MSI2: variants seen among roughly 807,000 people sequenced by gnomAD.
The protein encoded by MSI2 is RNA-binding protein Musashi homolog 2.
A neutral mutation model predicts 45.6 loss-of-function variants in MSI2; 17 were observed. The observed-to-expected ratio is 0.37, with a 90% CI of 0.26 to 0.56. The LOEUF (loss-of-function observed/expected upper bound fraction) is 0.56. Among genes scored for constraint, MSI2 ranks in the 20% least tolerant of loss-of-function variants. MSI2 has a pLI of 0.77. For missense variants in MSI2, 293 were observed against 444.2 expected (o/e 0.66, Z 3.06); for synonymous variants, 156 against 158.2 (o/e 0.99, Z 0.11).
intron 7 of MSI2, among the ~76,000 whole-genome samples, chr17:57,567,376 T>A (rs573264689): frequency 6.6e-6 from 1 of 152,366 alleles, no homozygotes; most frequent in South Asian, 2.1e-4. Context: ...TGAATGCCTT[T>A]TTCCAGTTTG....
chr17:57,464,935 A>G (rs2085303089), intron 6 of MSI2, among the ~76,000 whole-genome samples: 1 of 152,222 alleles, frequency 6.6e-6, no homozygotes, highest in Admixed American at 6.5e-5. Flanking sequence ...GAAAGCCTGC[A>G]CTAGCCTCCC....
chr17:57,383,445 T>C (rs1008686950), intron 5 of MSI2, among the ~76,000 whole-genome samples: 1 of 152,122 alleles, frequency 6.6e-6, no homozygotes, highest in Non-Finnish European at 1.5e-5. Flanking sequence ...TCACCTGAGG[T>C]CAGGAGTTCG....
intron 7 of MSI2, among the ~76,000 whole-genome samples, chr17:57,535,621 G>A (rs143919152): frequency 2.0e-5 from 3 of 152,204 alleles, no homozygotes; most frequent in Admixed American, 6.5e-5. Context: ...CCACTGGAAG[G>A]GGGTGGGATG....
intron 5 of MSI2, among the ~76,000 whole-genome samples, chr17:57,275,799 T>G (rs1386108604): frequency 1.3e-5 from 2 of 152,120 alleles, no homozygotes; most frequent in Non-Finnish European, 2.9e-5. Flanking sequence ...ATTGACTAAT[T>G]ATAGGGAAAA....
chr17:57,553,270 T>G (rs1367584313), intron 7 of MSI2, among the ~76,000 whole-genome samples: 1 of 152,126 alleles, frequency 6.6e-6, no homozygotes, highest in Non-Finnish European at 1.5e-5. Flanking sequence ...GCTCGACCAG[T>G]GCAAAATCAG....
At chr17:57,424,488 T>TTCC (rs531567425) in intron 6 of MSI2, among the ~76,000 whole-genome samples, 39 of 152,292 alleles carry the variant, frequency 2.6e-4, no homozygotes, top group Non-Finnish European at 5.0e-4. Context: ...TTTCAGTCTT[T>TTCC]TTCTTCTTCT....
At chr17:57,313,761 A>G (rs1598106833) in intron 5 of MSI2, among the ~76,000 whole-genome samples, 4 of 152,332 alleles carry the variant, frequency 2.6e-5, no homozygotes, top group African/African-American at 7.2e-5. Flanking sequence ...GGTGCTAGGC[A>G]CAGAGACAGG....
intron 5 of MSI2, among the ~76,000 whole-genome samples, chr17:57,286,794 T>G (rs1168369803): frequency 1.3e-5 from 2 of 152,148 alleles, no homozygotes; most frequent in Non-Finnish European, 2.9e-5. Context: ...CTTATTATTA[T>G]TTATTTATTT....
chr17:57,396,272 T>C (rs1474087776), intron 5 of MSI2, among the ~76,000 whole-genome samples: 2 of 152,202 alleles, frequency 1.3e-5, no homozygotes, highest in African/African-American at 4.8e-5. Flanking sequence ...TTTCCTTGTG[T>C]GATAATGAAT....
chr17:57,481,333 G>A (rs2085642880), intron 6 of MSI2, among the ~76,000 whole-genome samples: 1 of 152,178 alleles, frequency 6.6e-6, no homozygotes, highest in Non-Finnish European at 1.5e-5. Flanking sequence ...AAATAAATAA[G>A]TCAGCAAATA....
intron 11 of MSI2, among the ~76,000 whole-genome samples, chr17:57,674,552 G>A (rs1416448525): frequency 2.0e-5 from 3 of 151,584 alleles, no homozygotes; most frequent in Non-Finnish European, 2.9e-5. Flanking sequence ...CTGTCTCAAC[G>A]TGCCCAGATC....
intron 5 of MSI2, among the ~76,000 whole-genome samples, chr17:57,305,478 G>A (rs556595912): frequency 9.8e-5 from 15 of 152,300 alleles, no homozygotes; most frequent in African/African-American, 1.9e-4. Context: ...TCTGCTCTGC[G>A]CCAGCAAGAC....
chr17:57,303,481 A>G (rs1231432750), intron 5 of MSI2, among the ~76,000 whole-genome samples: 1 of 152,238 alleles, frequency 6.6e-6, no homozygotes, highest in African/African-American at 2.4e-5. Flanking sequence ...TGTTGTGAAT[A>G]CAACTATATA....
intron 6 of MSI2, among the ~76,000 whole-genome samples, chr17:57,482,590 G>A (rs2085669486): frequency 6.6e-6 from 1 of 152,204 alleles, no homozygotes; most frequent in African/African-American, 2.4e-5. Context: ...TGACTTTGGT[G>A]ACAGTGTGAC....
chr17:57,555,417 G>A (rs777658969), intron 7 of MSI2, among the ~76,000 whole-genome samples: 1 of 152,194 alleles, frequency 6.6e-6, no homozygotes, highest in African/African-American at 2.4e-5. Flanking sequence ...GGCCTCCAGG[G>A]TAGGCGTGAT....
At chr17:57,563,309 G>A (rs1005808728) in intron 7 of MSI2, among the ~76,000 whole-genome samples, 3 of 152,164 alleles carry the variant, frequency 2.0e-5, no homozygotes, top group Admixed American at 6.5e-5. Flanking sequence ...TTAGAGGCTT[G>A]CTCTCTTTAG....
At chr17:57,377,691 A>C (rs2083522943) in intron 5 of MSI2, among the ~76,000 whole-genome samples, 1 of 152,216 alleles carries the variant, frequency 6.6e-6, no homozygotes. Context: ...TTACTTTAAA[A>C]AAAAAAGCTA....
intron 5 of MSI2, among the ~76,000 whole-genome samples, chr17:57,314,540 C>T (rs1446998490): frequency 6.7e-6 from 1 of 149,040 alleles, no homozygotes; most frequent in East Asian, 2.0e-4. Context: ...TCATATGTGA[C>T]CACCTGTTCA....
intron 5 of MSI2, among the ~76,000 whole-genome samples, chr17:57,331,422 C>T (rs1914262887): frequency 1.3e-5 from 2 of 152,054 alleles, no homozygotes; most frequent in Admixed American, 1.3e-4. Flanking sequence ...TCTCTGGAAA[C>T]TTAAGTGGAG....
Sources: gnomAD v4.1 joint callset for allele counts (sites outside exome capture counted in the v4.1 genomes callset) on GRCh38, gnomAD v4.1.1 for gene constraint, MANE v1.5 for transcripts, NCBI Gene and HGNC (gene_info 2026-07-23, HGNC 2026-07-21) for gene names.